MBNL2: variants seen among roughly 807,000 people sequenced by gnomAD.
The protein encoded by MBNL2 is muscleblind-like protein 2.
MBNL2 carries 17 observed loss-of-function variants against 41.9 expected under a neutral mutation model. The observed-to-expected ratio is 0.41, with a 90% confidence interval of 0.28 to 0.61. MBNL2 has a LOEUF of 0.61. MBNL2 is among the 20% of genes least tolerant of loss of function. The pLI is 0.35. For missense variants in MBNL2, 336 were observed against 505.6 expected (o/e 0.66, Z 3.22); for synonymous variants, 195 against 182.9 (o/e 1.07, Z -0.53).
chr13:97,210,169 T>A, the MBNL2 span, among the ~76,000 whole-genome samples: 3 of 152,228 alleles, frequency 2.0e-5, no homozygotes, highest in Non-Finnish European at 4.4e-5. Context: ...GAACAGAGAT[T>A]TTTTTCTAAG....
the MBNL2 span, among the ~76,000 whole-genome samples, chr13:97,148,653 T>A: frequency 1.2e-4 from 18 of 152,162 alleles, no homozygotes; most frequent in African/African-American, 4.3e-4. Flanking sequence ...AAGAAAAAAA[T>A]GATCATGCAG....
At chr13:97,208,595 C>T in the MBNL2 span, among the ~76,000 whole-genome samples, 1 of 152,134 alleles carries the variant, frequency 6.6e-6, no homozygotes, top group East Asian at 1.9e-4. Context: ...AAAAAAGTCT[C>T]AGTGGTAGAT....
the MBNL2 span, among the ~76,000 whole-genome samples, chr13:97,189,149 C>T: frequency 2.6e-5 from 4 of 152,134 alleles, no homozygotes; most frequent in Non-Finnish European, 5.9e-5. Context: ...TAACCTCAGC[C>T]TCCCAAAATT....
chr13:97,387,219 ATCTTTGATTTCTTTCC>A (rs2065988950), intron 8 of MBNL2, among the ~76,000 whole-genome samples: 1 of 152,118 alleles, frequency 6.6e-6, no homozygotes, highest in African/African-American at 2.4e-5. Flanking sequence ...CTTGTTGAAT[ATCTTTGATTTCTTTCC>A]TACCGTCATA....
At chr13:97,381,858 T>C (rs1421652098) in intron 8 of MBNL2, among the ~76,000 whole-genome samples, 1 of 151,878 alleles carries the variant, frequency 6.6e-6, no homozygotes, top group African/African-American at 2.4e-5. Context: ...ATTAATATTA[T>C]GTAACATATT....
At chr13:97,315,315 A>G (rs2058944824) in intron 2 of MBNL2, among the ~76,000 whole-genome samples, 1 of 152,232 alleles carries the variant, frequency 6.6e-6, no homozygotes, top group South Asian at 2.1e-4. Context: ...TTGGCTTTTG[A>G]AATCTGTGTC....
intron 1 of MBNL2, among the ~76,000 whole-genome samples, chr13:97,265,138 A>C (rs1238765297): frequency 6.6e-6 from 1 of 152,198 alleles, no homozygotes; most frequent in Admixed American, 6.5e-5. Flanking sequence ...CTTTGAATTG[A>C]GGATGTGATT....
chr13:97,209,338 G>A, the MBNL2 span, among the ~76,000 whole-genome samples: 1 of 152,096 alleles, frequency 6.6e-6, no homozygotes, highest in Non-Finnish European at 1.5e-5. Flanking sequence ...CCCACTAAGA[G>A]GCCTAAATTT....
chr13:97,177,794 T>A, the MBNL2 span, among the ~76,000 whole-genome samples: 5 of 152,172 alleles, frequency 3.3e-5, no homozygotes, highest in African/African-American at 1.2e-4. Flanking sequence ...ATAAAATGTG[T>A]TAACATATAA....
rs2066412913 is a variant in MBNL2 at position 97,392,747 on chromosome 13, A to G, written c.*1298A>G. ...AAATATTTCATATTTCACATTTTAT[A>G]TGTTGCACATAGCCTATACAGTACC... On this transcript the variant is annotated 3_prime_UTR_variant, in exon 9 of 9. Transcript: ENST00000679496. 6.6e-6 allele frequency: 1 copy of G among 152,432 alleles called. No homozygotes were observed. The highest frequency in any genetic ancestry group is 1.5e-5 in the Non-Finnish European group (1 of 67,896). The allele number at this position is 152,432 out of a possible 1,614,324, so 9.4% of individuals were successfully genotyped here.
intron 2 of MBNL2, among the ~76,000 whole-genome samples, chr13:97,325,402 A>C (rs1252637854): frequency 6.6e-6 from 1 of 152,174 alleles, no homozygotes; most frequent in Non-Finnish European, 1.5e-5. Context: ...TAGTATGAGA[A>C]ATTGGAACTG....
chr13:97,175,690 T>C, the MBNL2 span, among the ~76,000 whole-genome samples: 2 of 152,264 alleles, frequency 1.3e-5, no homozygotes, highest in Middle Eastern at 3.4e-3. Flanking sequence ...TACAAACTTG[T>C]ATTGCCACCC....
the MBNL2 span, among the ~76,000 whole-genome samples, chr13:97,150,490 A>G: frequency 2.0e-5 from 3 of 152,366 alleles, no homozygotes; most frequent in Admixed American, 6.5e-5. Context: ...ACAAAGGCCA[A>G]TAAGAGTAAA....
At chr13:97,195,349 G>A in the MBNL2 span, among the ~76,000 whole-genome samples, 1 of 151,974 alleles carries the variant, frequency 6.6e-6, no homozygotes, top group South Asian at 2.1e-4. Flanking sequence ...CTGTGGCATG[G>A]CCCCCTATTT....
intron 7 of MBNL2, among the ~76,000 whole-genome samples, chr13:97,364,436 G>C (rs1453967403): frequency 1.3e-5 from 2 of 152,146 alleles, no homozygotes; most frequent in Non-Finnish European, 2.9e-5. Flanking sequence ...TTACAACAGA[G>C]AGAAGACCAC....
the MBNL2 span, among the ~76,000 whole-genome samples, chr13:97,167,030 T>C: frequency 6.6e-6 from 1 of 152,162 alleles, no homozygotes; most frequent in African/African-American, 2.4e-5. Context: ...CTGCTTCTGG[T>C]AACAAAGTTG....
chr13:97,377,771 A>G (rs2065091717), intron 8 of MBNL2, among the ~76,000 whole-genome samples: 1 of 152,240 alleles, frequency 6.6e-6, no homozygotes, highest in Non-Finnish European at 1.5e-5. Flanking sequence ...ACAAGGAAAA[A>G]AGTTAAAATA....
Position 97,343,038 on chromosome 13 carries a change from C to T in MBNL2, c.362C>T (p.Ala121Val), listed in dbSNP as rs377182361. The T allele has an allele frequency of 1.1e-5, 17 of 1,612,580 alleles. No homozygotes were observed. Among genetic ancestry groups the T allele is most frequent in the South Asian group, 3.3e-5 (3 of 91,064 alleles). Residue 121 changes from alanine (A) to valine (V), a missense_variant, in exon 4 of 9, where the codon GCG becomes GTG. By Grantham distance (64) the Ala-to-Val change is moderately conservative. Transcript: ENST00000679496. ...HPVPTFPVGP[A>V]IGTNTAISFA... ...CAGCCCACTTTCCCTGTAGGTCCCGCGATAGGGACAAATACGGCTATTAGC... is the reference window on the plus strand; with the variant it reads ...CAGCCCACTTTCCCTGTAGGTCCCGTGATAGGGACAAATACGGCTATTAGC...
chr13:97,288,588 A>G (rs1050254696), intron 2 of MBNL2, among the ~76,000 whole-genome samples: 5 of 152,206 alleles, frequency 3.3e-5, no homozygotes, highest in African/African-American at 9.6e-5. Flanking sequence ...GGGACTGGGG[A>G]GACCAGGTTT....
Sources: gnomAD v4.1 joint callset for allele counts (sites outside exome capture counted in the v4.1 genomes callset) on GRCh38, gnomAD v4.1.1 for gene constraint, MANE v1.5 for transcripts, NCBI Gene and HGNC (gene_info 2026-07-23, HGNC 2026-07-21) for gene names.